The following COQ8A variants were observed in gnomAD, a reference collection of about 807,000 sequenced individuals.
COQ8A encodes coenzyme Q8A, also known as atypical kinase COQ8A, mitochondrial.
Under a neutral mutation model 65.0 loss-of-function variants are expected in COQ8A, and 51 were observed. The observed-to-expected ratio is 0.78, with a 90% CI of 0.63 to 0.99. The LOEUF (loss-of-function observed/expected upper bound fraction) is 0.99. COQ8A is among the 50% of genes least tolerant of loss of function. The pLI is 0.00. For synonymous variants in COQ8A, 371 were observed against 353.2 expected, an observed-to-expected ratio of 1.05 and a Z score of -0.57; for missense variants, 940 against 875.0, an observed-to-expected ratio of 1.07 and a Z score of -0.94.
intron 1 of COQ8A, among the ~76,000 whole-genome samples, chr1:226,950,876 G>A (rs1657332342): frequency 6.6e-6 from 1 of 152,184 alleles, no homozygotes; most frequent in Non-Finnish European, 1.5e-5. Context: ...AAAAACCCCA[G>A]TAGTCTGGGA....
intron 6 of COQ8A, chr1:226,982,401 A>G (rs1446086853): frequency 6.2e-6 from 4 of 642,816 alleles, no homozygotes; most frequent in Non-Finnish European, 1.1e-5. Flanking sequence ...TCAACATTTT[A>G]CTATGTTTTA....
intron 14 of COQ8A, among the ~76,000 whole-genome samples, chr1:226,985,871 G>C (rs1660076407): frequency 6.6e-6 from 1 of 152,144 alleles, no homozygotes; most frequent in Non-Finnish European, 1.5e-5. Context: ...CAGTATCTCT[G>C]AGCCCCCCTT....
rs762685755 is a variant in COQ8A, at chr1:226,982,045, G to T, written c.749G>T (p.Gly250Val). ...CCCACAGGGAAGAAGGCCGTGCTGG[G>T]TTCCAGTCCTTTCCTGTCCGAGGCC... is the stretch of plus-strand genomic sequence containing the variant. ...EDPSGKKAVLGSSPFLSEANA... is the reference protein window; with the variant it reads ...EDPSGKKAVLVSSPFLSEANA... Residue 250 changes from glycine to valine, a missense_variant, in exon 6 of 15, where the codon GGT becomes GTT. Physicochemically the swap from Gly to Val is moderately radical, Grantham distance 109. Transcript: ENST00000366777. 16 of 1,612,916 alleles carry T rather than the reference G, an allele frequency of 9.9e-6. No homozygotes were observed. Among genetic ancestry groups the T allele is most frequent in the Non-Finnish European group, 1.3e-5 (15 of 1,180,004 alleles).
rs774133762 is a variant in COQ8A at position 226,982,089 on chromosome 1, C to T, written c.793C>T (p.Arg265Cys). 47 of 1,612,272 alleles carry T rather than the reference C, an allele frequency of 2.9e-5. No individual in the cohort carries two copies. The Admixed American group carries it at 5.3e-4, about 18-fold the overall frequency. Residue 265 changes from arginine to cysteine, a missense_variant, in exon 6 of 15, where the codon CGC becomes TGC. Physicochemically the swap from Arg to Cys is radical, Grantham distance 180. Transcript: ENST00000366777. ...CGAGGCCAATGCAGAGCGGATCGTG[C>T]GCACGCTCTGCAAGGTGCGTGGTGC... is the stretch of plus-strand genomic sequence containing the variant. Reference protein sequence around the residue: ...LSEANAERIVRTLCKVRGAAL... With the variant: ...LSEANAERIVCTLCKVRGAAL...
At chr1:226,941,366 T>G (rs564302261) in intron 1 of COQ8A, among the ~76,000 whole-genome samples, 105 of 152,314 alleles carry the variant, frequency 6.9e-4, no homozygotes, top group African/African-American at 2.4e-3. Context: ...TGTCACGCTG[T>G]GGATGGGTAG....
chr1:226,968,007 A>G (rs963337517), intron 4 of COQ8A, among the ~76,000 whole-genome samples: 15 of 151,106 alleles, frequency 9.9e-5, no homozygotes, highest in Non-Finnish European at 1.9e-4. Context: ...ACTGTAGGTT[A>G]TGACCCTTTA....
chr1:226,986,591 G>A lies in COQ8A; in HGVS notation c.1798G>A (p.Val600Ile), dbSNP rs754436532. Reference sequence around the variant, plus strand: ...TCCCGTCATGCTGAGGCACCGTCTCGTCCCCCCACCCGAGGAAACCTACTC... The same window carrying A: ...TCCCGTCATGCTGAGGCACCGTCTCATCCCCCCACCCGAGGAAACCTACTC... ...LIPVMLRHRL[V>I]PPPEETYSLH... Residue 600 changes from valine (V) to isoleucine (I), a missense_variant, in exon 15 of 15, where the codon GTC becomes ATC. By Grantham distance (29) the Val-to-Ile change is conservative. Coordinates refer to ENST00000366777, the MANE Select transcript of COQ8A (RefSeq NM_020247.5). The A allele has an allele frequency of 1.9e-5, 30 of 1,612,882 alleles. No individual in the cohort carries two copies. Among genetic ancestry groups the A allele is most frequent in the African/African-American group, 2.7e-5 (2 of 74,472 alleles).
At chr1:226,953,793 C>G (rs1025903804) in intron 1 of COQ8A, among the ~76,000 whole-genome samples, 2 of 152,236 alleles carry the variant, frequency 1.3e-5, no homozygotes, top group Non-Finnish European at 2.9e-5. Flanking sequence ...GGGAGTTGCC[C>G]GAGATGTTTG....
chr1:226,950,918 CT>C (rs1657335257), intron 1 of COQ8A, among the ~76,000 whole-genome samples: 4 of 152,184 alleles, frequency 2.6e-5, no homozygotes, highest in African/African-American at 9.7e-5. Context: ...AGTCCTTAGC[CT>C]AGAAGGCAAG....
intron 1 of COQ8A, among the ~76,000 whole-genome samples, chr1:226,955,030 G>C (rs1363307781): frequency 6.6e-6 from 1 of 152,148 alleles, no homozygotes; most frequent in African/African-American, 2.4e-5. Flanking sequence ...CTGGTTCCAG[G>C]AGTGGGTTGG....
At chr1:226,983,676 A>G in intron 9 of COQ8A, 43 bp downstream of exon 9, 1 of 1,612,348 alleles carries the variant, frequency 6.2e-7, no homozygotes, top group African/African-American at 1.3e-5. Flanking sequence ...AGTGGGTGGC[A>G]GGCATCTGTG....
chr1:226,966,729 TC>T (rs532354304), intron 4 of COQ8A, among the ~76,000 whole-genome samples: 113 of 152,012 alleles, frequency 7.4e-4, no homozygotes, highest in African/African-American at 2.6e-3. Context: ...CCATACACCA[TC>T]CATCATACAT....
At chr1:226,986,427 C>T (rs1231386874) in intron 14 of COQ8A, 26 bp from the exon 15 acceptor site, 1 of 1,609,584 alleles carries the variant, frequency 6.2e-7, no homozygotes, top group Non-Finnish European at 8.5e-7. Context: ...GTCTCGCCGC[C>T]ATTTATCCTT....
intron 1 of COQ8A, among the ~76,000 whole-genome samples, chr1:226,951,584 T>TG (rs958638387): frequency 2.0e-5 from 3 of 152,122 alleles, no homozygotes; most frequent in South Asian, 2.1e-4. Context: ...AGAACTATAA[T>TG]GGGGGGGTCC....
intron 1 of COQ8A, among the ~76,000 whole-genome samples, chr1:226,950,507 A>G (rs1657311970): frequency 6.6e-6 from 1 of 152,236 alleles, no homozygotes; most frequent in Admixed American, 6.5e-5. Context: ...ACTTCGGGCA[A>G]ATTACTTAAC....
intron 1 of COQ8A, among the ~76,000 whole-genome samples, chr1:226,944,037 A>G (rs1213429440): frequency 6.6e-6 from 1 of 151,876 alleles, no homozygotes; most frequent in Non-Finnish European, 1.5e-5. Context: ...GGTGTCGAGG[A>G]CCAGCCTGGG....
At chr1:226,957,182 C>T (rs1473666721) in intron 1 of COQ8A, among the ~76,000 whole-genome samples, 2 of 149,918 alleles carry the variant, frequency 1.3e-5, no homozygotes, top group South Asian at 2.1e-4. Context: ...TTCTGCTCTC[C>T]CTGACTCCCG....
intron 1 of COQ8A, among the ~76,000 whole-genome samples, chr1:226,951,810 C>T (rs1057001081): frequency 6.6e-6 from 1 of 151,960 alleles, no homozygotes; most frequent in Non-Finnish European, 1.5e-5. Context: ...AGGGACAATA[C>T]ATATGTAAAC....
At chr1:226,985,216 T>A (rs543139381) in intron 13 of COQ8A, 38 bp from the exon 14 acceptor site, 11 of 1,605,680 alleles carry the variant, frequency 6.9e-6, no homozygotes, top group Non-Finnish European at 8.5e-6. Flanking sequence ...GCTGAGCTTT[T>A]CATGCTGCCC....
Sources: gnomAD v4.1 joint callset for allele counts (sites outside exome capture counted in the v4.1 genomes callset) on GRCh38, gnomAD v4.1.1 for gene constraint, MANE v1.5 for transcripts, NCBI Gene and HGNC (gene_info 2026-07-23, HGNC 2026-07-21) for gene names.